Variants in OSBPL2 observed in about 807,000 individuals in gnomAD.
The protein encoded by OSBPL2 is oxysterol binding protein like 2.
A neutral mutation model predicts 58.4 loss-of-function variants in OSBPL2; 18 were observed. The ratio of observed to expected loss-of-function variants is 0.31; its 90% CI spans 0.21 to 0.46. The LOEUF (loss-of-function observed/expected upper bound fraction) is 0.46, where lower values mean the gene tolerates loss of function less well. Ranked by LOEUF, OSBPL2 falls within the 20% of genes least tolerant of loss-of-function variation. The pLI, the probability that OSBPL2 is intolerant of heterozygous loss-of-function variation, is 1.00. For missense variants in OSBPL2, 461 were observed against 616.5 expected (o/e 0.75, Z 2.67); for synonymous variants, 221 against 234.1 (o/e 0.94, Z 0.51).
chr20:62,293,652 G>A (rs1425016774), intron 13 of OSBPL2, 133 bp from the exon 14 acceptor site: 3 of 665,994 alleles, frequency 4.5e-6, no homozygotes, highest in South Asian at 4.1e-5. Flanking sequence ...AAGTTGTTAC[G>A]CTGGGCTGCA....
intron 5 of OSBPL2, 107 bp downstream of exon 5, chr20:62,272,366 T>TC: frequency 1.6e-6 from 2 of 1,246,586 alleles, no homozygotes; most frequent in Non-Finnish European, 2.2e-6. Context: ...CTCGCACAGC[T>TC]CCCCCCAGTG....
At position 62,259,999 on chromosome 20, in the gene OSBPL2, C is replaced by G. The variant is rs1290119458; in HGVS notation, c.56C>G (p.Ser19Cys). 3 of 1,614,034 alleles carry G rather than the reference C, an allele frequency of 1.9e-6. No individual in the cohort carries two copies. The highest frequency in any genetic ancestry group is 1.1e-5 in the South Asian group (1 of 91,068). ...DAVTGFDSDNSSGEFSEANQK... is the reference protein window; with the variant it reads ...DAVTGFDSDNCSGEFSEANQK... ...CGCACAGGCTTTGATTCTGATAACT[C>G]TTCTGGGGAATTTTCAGAGGCAAAT... The change falls in exon 3 of 14, where the codon TCT (serine) becomes TGT (cysteine). Residue 19 changes from serine to cysteine, a missense_variant. Physicochemically the swap from Ser to Cys is moderately radical, Grantham distance 112. Transcript: ENST00000313733.
Position 62,238,603 on chromosome 20 carries a change from T to C in OSBPL2, c.-129+6T>C, listed in dbSNP as rs969066632. ...ACCGAGGGACCCGCGTCCAGGTGAG[T>C]GGCCCCCGCCGCCGCCACGCGAAGG... is the stretch of plus-strand genomic sequence containing the variant. On this transcript the variant is annotated splice_donor_region_variant and intron_variant, in intron 1 of 13. Transcript: ENST00000313733. 7.0e-6 allele frequency: 1 copy of C among 142,518 alleles called. No individual in the cohort carries two copies. Among genetic ancestry groups the C allele is most frequent in the African/African-American group, 2.6e-5 (1 of 39,088 alleles). The allele number at this position is 142,518 out of a possible 1,614,324, so 8.8% of individuals were successfully genotyped here.
At chr20:62,278,725 G>C in intron 6 of OSBPL2, 1 of 165,414 alleles carries the variant, frequency 6.0e-6, no homozygotes, top group South Asian at 9.7e-5. Flanking sequence ...GGCCAAGTGC[G>C]ATGTCATGTT....
At chr20:62,246,084 G>A (rs560680353) in intron 1 of OSBPL2, among the ~76,000 whole-genome samples, 3 of 152,358 alleles carry the variant, frequency 2.0e-5, no homozygotes, top group East Asian at 1.9e-4. Flanking sequence ...GCGTCTCCTC[G>A]CAGAGGCCTG....
intron 1 of OSBPL2, among the ~76,000 whole-genome samples, chr20:62,252,706 G>A (rs146994343): frequency 5.6e-4 from 85 of 152,350 alleles, no homozygotes; most frequent in African/African-American, 2.0e-3. Flanking sequence ...GTTTAATTAG[G>A]TCGCGGTTCT....
In OSBPL2 at chr20:62,284,065, A is replaced by G. The variant is rs747646279; in HGVS notation, c.892A>G (p.Ile298Val). The G allele has an allele frequency of 6.2e-7, 1 of 1,613,854 alleles. No homozygotes were observed. The highest frequency in any genetic ancestry group is 1.1e-5 in the South Asian group (1 of 91,082). The change falls in exon 10 of 14, where the codon ATC (isoleucine) becomes GTC (valine). Residue 298 changes from isoleucine (I) to valine (V), a missense_variant. Around this residue, in one of 5 missense-constraint regions of OSBPL2, gnomAD observed 319 missense variants for 419.2 expected, o/e 0.76. Transcript: ENST00000313733. ...TTACAGCAAAAAGAAGCTCTTTATG[A>G]TCTATGGCAAATGGACGGAATGTTT... is the stretch of plus-strand genomic sequence containing the variant. ...QDKNKKKLFM[I>V]YGKWTECLWG...
At chr20:62,261,421 G>C (rs1462356535) in intron 3 of OSBPL2, among the ~76,000 whole-genome samples, 7 of 151,470 alleles carry the variant, frequency 4.6e-5, no homozygotes, top group Admixed American at 3.9e-4. Context: ...AGGCACAGCC[G>C]CTAATGTGTG....
chr20:62,296,072 A>T lies in OSBPL2; in HGVS notation c.*2185A>T, dbSNP rs1198325710. On this transcript the variant is annotated 3_prime_UTR_variant, in exon 14 of 14. Coordinates refer to ENST00000313733, the MANE Select transcript of OSBPL2 (RefSeq NM_144498.4). ...GTCGAGGTTATTTTAACTTTTTACT[A>T]CTTTTTGTTACTGTTTCTGCAAATG... is the stretch of plus-strand genomic sequence containing the variant. 1 of 152,142 alleles carries T rather than the reference A, an allele frequency of 6.6e-6. No individual in the cohort carries two copies. The highest frequency in any genetic ancestry group is 2.4e-5 in the African/African-American group (1 of 41,418). The allele number at this position is 152,142 out of a possible 1,614,324, so 9.4% of individuals were successfully genotyped here.
In OSBPL2 at chr20:62,288,468, C is replaced by CT. The variant is rs1983277851; in HGVS notation, c.1126-739_1126-738insT. Reference sequence around the variant, plus strand: ...GGCTGGGAGGCTGTGGGTACAGAGGCCGGAGGCTGTGGGTGCAGAGGCTGG... The same window carrying CT: ...GGCTGGGAGGCTGTGGGTACAGAGGCTCGGAGGCTGTGGGTGCAGAGGCTGG... On this transcript the variant is annotated intron_variant, in intron 11 of 13. Coordinates refer to ENST00000313733, the MANE Select transcript of OSBPL2 (RefSeq NM_144498.4). This position sits in a 1 kb window ranked among gnomAD's most constrained non-coding sequence, Gnocchi z 4.8. 1.4e-5 allele frequency among the ~76,000 whole-genome samples: 2 copies of CT among 143,820 alleles called. No homozygotes were observed. The highest frequency in any genetic ancestry group is 2.6e-5 in the African/African-American group (1 of 38,192). 94.4% of individuals were successfully genotyped at this position (143,820 alleles called of 152,430 possible).
In OSBPL2 at chr20:62,284,046, C is replaced by G; in HGVS notation, c.873C>G (p.Asn291Lys). ...CTTTAAAAATCCCATTTAATTACAG[C>G]AAAAAGAAGCTCTTTATGATCTATG... ...HKVEGHIQDK[N>K]KKKLFMIYGK... is the part of the protein sequence containing the mutation. Residue 291 changes from asparagine (N) to lysine (K), a missense_variant and splice_region_variant, in exon 10 of 14, where the codon AAC (asparagine) becomes AAG (lysine). By Grantham distance (94) the Asn-to-Lys change is moderately conservative (BLOSUM62 0). This residue lies in a region of OSBPL2 where 319 missense variants were observed against 419.2 expected (regional missense o/e 0.76). Coordinates refer to ENST00000313733, the MANE Select transcript of OSBPL2 (RefSeq NM_144498.4). The G allele has an allele frequency of 6.2e-7, 1 of 1,610,128 alleles. No individual in the cohort carries two copies. The highest frequency in any genetic ancestry group is 1.1e-5 in the South Asian group (1 of 90,942).
rs1982606009 is a variant in OSBPL2, at chr20:62,279,049, G to A, written c.492-108G>A. On this transcript the variant is annotated intron_variant, in intron 6 of 13. Transcript: ENST00000313733. The stretch of plus-strand genomic sequence containing the variant: ...TTCCGCCACATGTTGTGGCATGGAG[G>A]GCCCCTGCTTCCCAGCGTCCTGTGA... 8.0e-6 allele frequency: 7 copies of A among 878,076 alleles called. No individual in the cohort carries two copies. The Admixed American group carries it at 1.3e-4, about 16-fold the overall frequency. 54.4% of individuals were successfully genotyped at this position (878,076 alleles called of 1,614,324 possible).
Position 62,279,320 on chromosome 20 carries a change from A to G in OSBPL2, c.655A>G (p.Ile219Val). 1 of 1,614,202 alleles carries G rather than the reference A, an allele frequency of 6.2e-7. No individual in the cohort carries two copies. Among genetic ancestry groups the G allele is most frequent in the Non-Finnish European group, 8.5e-7 (1 of 1,180,028 alleles). ...KSVEAEPRGT[I>V]TLELLKHNEA... ...CGTGGAGGCGGAGCCCCGAGGCACC[A>G]TCACCCTGGAGCTGCTCAAGTGAGT... The change falls in exon 7 of 14, where the codon ATC becomes GTC. Residue 219 changes from isoleucine to valine, a missense_variant. Ile to Val is a conservative substitution (Grantham distance 29, BLOSUM62 3). Transcript: ENST00000313733.
At chr20:62,285,849 C>G (rs917627885) in intron 10 of OSBPL2, 1 of 152,526 alleles carries the variant, frequency 6.6e-6, no homozygotes, top group Non-Finnish European at 1.5e-5. Context: ...TTCGTCTCTG[C>G]GAAGGGAAAC....
chr20:62,258,253 GA>G (rs1233124341), intron 2 of OSBPL2, among the ~76,000 whole-genome samples: 1 of 152,138 alleles, frequency 6.6e-6, no homozygotes, highest in Non-Finnish European at 1.5e-5. Context: ...ATAATGGAAG[GA>G]AAAAACCACT....
chr20:62,250,824 C>T (rs1055331213), intron 1 of OSBPL2, among the ~76,000 whole-genome samples: 3 of 151,882 alleles, frequency 2.0e-5, no homozygotes, highest in Non-Finnish European at 4.4e-5. Context: ...ACTCAGGAGG[C>T]GGGGGTGGAA....
In OSBPL2 at chr20:62,273,398, A is replaced by T; in HGVS notation, c.483A>T (p.Glu161Asp). 6.3e-7 allele frequency: 1 copy of T among 1,599,660 alleles called. No homozygotes were observed. The highest frequency in any genetic ancestry group is 8.5e-7 in the Non-Finnish European group (1 of 1,174,552). ...PFNPLLGETY[E>D]LIREDLGFRF... is the part of the protein sequence containing the mutation. ...ATCCACTCTTGGGAGAAACGTATGA[A>T]TTAATCAGGTAAGGGGGGAAAGGCC... Residue 161 changes from glutamate to aspartate, a missense_variant, in exon 6 of 14, where the codon GAA becomes GAT. By Grantham distance (45) the Glu-to-Asp change is conservative (BLOSUM62 2). Around this residue, in one of 5 missense-constraint regions of OSBPL2, gnomAD observed 319 missense variants for 419.2 expected, o/e 0.76. Coordinates refer to ENST00000313733, the MANE Select transcript of OSBPL2 (RefSeq NM_144498.4).
intron 10 of OSBPL2, chr20:62,285,377 G>T (rs1421248195): frequency 6.6e-6 from 1 of 152,236 alleles, no homozygotes; most frequent in African/African-American, 2.4e-5. Flanking sequence ...TCGGGCCATG[G>T]TGCCTACAGC....
At chr20:62,279,044 T>C (rs1186622327) in intron 6 of OSBPL2, 113 bp from the exon 7 acceptor site, 3 of 850,544 alleles carry the variant, frequency 3.5e-6, no homozygotes, top group African/African-American at 3.4e-5. Flanking sequence ...TGTTGTGGCA[T>C]GGAGGGCCCC....
Sources: gnomAD v4.1 joint callset for allele counts (sites outside exome capture counted in the v4.1 genomes callset) on GRCh38, gnomAD v4.1.1 for gene constraint, gnomAD v4.1.1 regional missense constraint, Gnocchi (gnomAD v3.1) non-coding constraint, MANE v1.5 for transcripts, NCBI Gene and HGNC (gene_info 2026-07-23, HGNC 2026-07-21) for gene names.